ACYP2: variants seen among roughly 807,000 people sequenced by gnomAD.
ACYP2 encodes the protein acylphosphatase-2.
A neutral mutation model predicts 11.2 loss-of-function variants in ACYP2; 12 were observed. The ratio of observed to expected loss-of-function variants is 1.08; its 90% confidence interval spans 0.69 to 1.74. The LOEUF is 1.74. Ranked by LOEUF, ACYP2 falls within the 40% of genes most tolerant of loss-of-function variation. The pLI, the probability that ACYP2 is intolerant of heterozygous loss-of-function variation, is 0.00. For missense variants in ACYP2, 134 were observed against 101.9 expected, an observed-to-expected ratio of 1.31 and a Z score of -1.35; for synonymous variants, 43 against 32.2, an observed-to-expected ratio of 1.33 and a Z score of -1.13.
At chr2:54,194,295 C>T (rs1684361382) in intron 6 of ACYP2, among the ~76,000 whole-genome samples, 1 of 152,166 alleles carries the variant, frequency 6.6e-6, no homozygotes, top group Non-Finnish European at 1.5e-5. Context: ...CTGCCTTGGG[C>T]TCCTAAAGTG....
intron 6 of ACYP2, chr2:54,256,147 C>G: frequency 1.2e-6 from 2 of 1,610,546 alleles, no homozygotes; most frequent in Non-Finnish European, 1.7e-6. Flanking sequence ...CTCCGGGAGG[C>G]TCATGTTGGT....
At chr2:54,063,663 T>C (rs1235379643) in intron 4 of ACYP2, among the ~76,000 whole-genome samples, 1 of 152,280 alleles carries the variant, frequency 6.6e-6, no homozygotes, top group Non-Finnish European at 1.5e-5. Context: ...CTTATTCCTT[T>C]AGATGAGGGG....
At chr2:54,263,622 C>G (rs189803087) in intron 6 of ACYP2, among the ~76,000 whole-genome samples, 2 of 147,936 alleles carry the variant, frequency 1.4e-5, no homozygotes, top group Non-Finnish European at 3.0e-5. Flanking sequence ...CACACCCTGT[C>G]GAAAAAAAAG....
chr2:54,196,009 G>C (rs1684463771), intron 6 of ACYP2, among the ~76,000 whole-genome samples: 1 of 151,820 alleles, frequency 6.6e-6, no homozygotes, highest in African/African-American at 2.4e-5. Context: ...TGTTGGTCAG[G>C]CTGGTCTCAA....
In ACYP2 at chr2:54,188,693, A is replaced by G. The variant is rs553362183; in HGVS notation, c.404+49945A>G. ...AACAAACCATACAGCCTTGCTACTC[A>G]CAAGTATGGTCCATGGCCAGCAACC... On this transcript the variant is annotated intron_variant, in intron 6 of 6. Coordinates refer to ENST00000607452, the MANE Select transcript of ACYP2 (RefSeq NM_001320586.2). Among the ~76,000 whole-genome samples, 9 of 152,306 alleles carry G rather than the reference A, an allele frequency of 5.9e-5. No homozygotes were observed. In the East Asian group the frequency reaches 1.5e-3, roughly 26 times the overall value.
At position 54,129,875 on chromosome 2, in the gene ACYP2, ATAT is replaced by A. The variant is rs201483079; in HGVS notation, c.278-5572_278-5570del. 2.9e-3 allele frequency among the ~76,000 whole-genome samples: 437 copies of A among 148,402 alleles called. 2 individuals carry two copies. Among genetic ancestry groups the A allele is most frequent in the African/African-American group, 1.0e-2 (409 of 40,912 alleles). ...AATATAATATATAATCAATATGTTA[ATAT>A]TATTAATGATATTATATTATAAATG... On this transcript the variant is annotated intron_variant, in intron 4 of 6. Coordinates refer to ENST00000607452, the MANE Select transcript of ACYP2 (RefSeq NM_001320586.2).
intron 2 of ACYP2, among the ~76,000 whole-genome samples, chr2:54,012,435 G>T (rs1673425304): frequency 6.6e-6 from 1 of 152,216 alleles, no homozygotes; most frequent in African/African-American, 2.4e-5. Context: ...AGGATCACTT[G>T]AGCCCAGGAG....
chr2:54,089,122 A>G (rs943891241), intron 4 of ACYP2, among the ~76,000 whole-genome samples: 1 of 152,198 alleles, frequency 6.6e-6, no homozygotes, highest in Non-Finnish European at 1.5e-5. Flanking sequence ...TTGTTCTATC[A>G]TTGGATTATT....
chr2:54,178,462 T>C (rs995278653), intron 6 of ACYP2, among the ~76,000 whole-genome samples: 3 of 152,218 alleles, frequency 2.0e-5, no homozygotes, highest in Non-Finnish European at 2.9e-5. Flanking sequence ...CTGGCTATAC[T>C]CTGTAGCTGC....
intron 6 of ACYP2, among the ~76,000 whole-genome samples, chr2:54,185,994 C>CA (rs1322059891): frequency 6.6e-6 from 1 of 151,378 alleles, no homozygotes; most frequent in African/African-American, 2.4e-5. Flanking sequence ...TAAAACACTG[C>CA]AAAAAACATC....
chr2:54,029,339 TTGA>T (rs2104552772), intron 2 of ACYP2, among the ~76,000 whole-genome samples: 1 of 152,206 alleles, frequency 6.6e-6, no homozygotes, highest in South Asian at 2.1e-4. Flanking sequence ...GATGTTTACC[TTGA>T]TGACCTACCT....
At chr2:54,119,320 G>T (rs1463211531) in intron 4 of ACYP2, among the ~76,000 whole-genome samples, 3 of 151,944 alleles carry the variant, frequency 2.0e-5, no homozygotes, top group East Asian at 3.9e-4. Flanking sequence ...GCCTCACAAA[G>T]TTCTGGCCTT....
At chr2:54,090,666 C>G (rs1203204252) in intron 4 of ACYP2, among the ~76,000 whole-genome samples, 1 of 152,138 alleles carries the variant, frequency 6.6e-6, no homozygotes, top group Non-Finnish European at 1.5e-5. Context: ...TTCCTCCCTT[C>G]CTGCCTTTGC....
At chr2:54,028,275 C>T (rs1038321479) in intron 2 of ACYP2, among the ~76,000 whole-genome samples, 1 of 152,062 alleles carries the variant, frequency 6.6e-6, no homozygotes, top group African/African-American at 2.4e-5. Context: ...TGGAATTTGT[C>T]TAATGTTTTT....
chr2:54,218,003 C>T (rs1457101427), intron 6 of ACYP2, among the ~76,000 whole-genome samples: 2 of 152,188 alleles, frequency 1.3e-5, no homozygotes, highest in Admixed American at 1.3e-4. Flanking sequence ...CTTGTTACCA[C>T]TTTTTGAGTT....
At chr2:54,011,722 A>C (rs979725108) in intron 2 of ACYP2, among the ~76,000 whole-genome samples, 1 of 119,372 alleles carries the variant, frequency 8.4e-6, no homozygotes, top group Non-Finnish European at 1.7e-5. Context: ...TTTATATTCA[A>C]ATCTTTTTTG....
At chr2:54,280,994 G>A (rs956591572) in intron 6 of ACYP2, among the ~76,000 whole-genome samples, 1 of 152,094 alleles carries the variant, frequency 6.6e-6, no homozygotes, top group Non-Finnish European at 1.5e-5. Context: ...ACCAAGAAGA[G>A]GAGGAATTTA....
intron 6 of ACYP2, among the ~76,000 whole-genome samples, chr2:54,188,518 C>T (rs1572907365): frequency 6.6e-6 from 1 of 152,142 alleles, no homozygotes; most frequent in Non-Finnish European, 1.5e-5. Context: ...ATTATACACA[C>T]AAACACATAA....
intron 2 of ACYP2, among the ~76,000 whole-genome samples, chr2:54,030,093 A>G (rs1393579110): frequency 6.6e-6 from 1 of 152,200 alleles, no homozygotes; most frequent in Non-Finnish European, 1.5e-5. Flanking sequence ...GTCTATTGGT[A>G]GCTAATTTTG....
Sources: allele counts gnomAD v4.1 joint callset (sites outside exome capture counted in the v4.1 genomes callset), GRCh38; gene constraint gnomAD v4.1.1; transcripts MANE v1.5; gene names NCBI Gene and HGNC (gene_info 2026-07-23, HGNC 2026-07-21).